The following ANKDD1B variants were observed in gnomAD, a reference collection of about 807,000 sequenced individuals.
The protein encoded by ANKDD1B is ankyrin repeat and death domain-containing protein 1B.
ANKDD1B carries 57 observed loss-of-function variants against 59.7 expected under a neutral mutation model. The observed-to-expected ratio is 0.95, with a 90% CI of 0.77 to 1.19. The LOEUF (loss-of-function observed/expected upper bound fraction) is 1.19. Ranked by LOEUF, ANKDD1B falls within the 50% of genes most tolerant of loss-of-function variation. ANKDD1B has a pLI of 0.00. For synonymous variants in ANKDD1B, 216 were observed against 239.5 expected, an observed-to-expected ratio of 0.90 and a Z score of 0.91; for missense variants, 602 against 641.9, an observed-to-expected ratio of 0.94 and a Z score of 0.67.
chr5:75,647,434 G>A (rs1244913886), intron 7 of ANKDD1B, among the ~76,000 whole-genome samples: 1 of 127,872 alleles, frequency 7.8e-6, no homozygotes, highest in Admixed American at 7.2e-5. Flanking sequence ...ATCAAAAAGT[G>A]GGCAAAGGAC....
chr5:75,656,546 AG>A (rs1350674449), intron 9 of ANKDD1B, among the ~76,000 whole-genome samples: 31 of 152,326 alleles, frequency 2.0e-4, no homozygotes, highest in African/African-American at 7.5e-4. Flanking sequence ...CTTTACCTAA[AG>A]GCAAAAGAGG....
intron 5 of ANKDD1B, among the ~76,000 whole-genome samples, chr5:75,626,685 C>T (rs1774003681): frequency 6.6e-6 from 1 of 152,172 alleles, no homozygotes; most frequent in Admixed American, 6.5e-5. Context: ...TGGCTGAATC[C>T]AGCCTTCATG....
At chr5:75,631,658 C>G (rs1300122349) in intron 5 of ANKDD1B, among the ~76,000 whole-genome samples, 1 of 152,186 alleles carries the variant, frequency 6.6e-6, no homozygotes, top group Non-Finnish European at 1.5e-5. Context: ...AAAGACAATA[C>G]CTCCTGGACA....
At chr5:75,618,839 G>A (rs1348704068) in intron 2 of ANKDD1B, among the ~76,000 whole-genome samples, 1 of 152,104 alleles carries the variant, frequency 6.6e-6, no homozygotes, top group Non-Finnish European at 1.5e-5. Context: ...TCCACCTCCT[G>A]GGTTCAAGCA....
At position 75,663,403 on chromosome 5, in the gene ANKDD1B, A is replaced by G; in HGVS notation, c.1105A>G (p.Thr369Ala). ...TCTTTTTTAATTTTAGCAAGGAAAG[A>G]CTGCCCTGGCTGTGGCCTCCAGGAG... ...DLKAVDKQGK[T>A]ALAVASRSNH... Residue 369 changes from threonine to alanine, a missense_variant, in exon 11 of 14, where the codon ACT becomes GCT. By Grantham distance (58) the Thr-to-Ala change is moderately conservative (BLOSUM62 0). Around this residue, in one of 3 missense-constraint regions of ANKDD1B, gnomAD observed 280 missense variants for 319.8 expected, o/e 0.88. Coordinates refer to ENST00000601380, the MANE Select transcript of ANKDD1B (RefSeq NM_001276713.2). The G allele has an allele frequency of 6.5e-7, 1 of 1,536,102 alleles. No individual in the cohort carries two copies. The highest frequency in any genetic ancestry group is 8.7e-7 in the Non-Finnish European group (1 of 1,146,792).
intron 1 of ANKDD1B, among the ~76,000 whole-genome samples, chr5:75,612,429 A>T (rs1282852783): frequency 7.0e-6 from 1 of 142,616 alleles, no homozygotes; most frequent in Non-Finnish European, 1.5e-5. Flanking sequence ...CCTCAGGCTC[A>T]GGTGATCCTC....
intron 7 of ANKDD1B, among the ~76,000 whole-genome samples, chr5:75,650,448 A>G (rs957242087): frequency 2.6e-4 from 40 of 152,240 alleles, no homozygotes; most frequent in African/African-American, 9.4e-4. Flanking sequence ...GAGAGCCTCC[A>G]GAAGGGAACA....
chr5:75,624,753 G>A (rs1045450438), intron 3 of ANKDD1B, among the ~76,000 whole-genome samples: 9 of 151,992 alleles, frequency 5.9e-5, no homozygotes, highest in South Asian at 2.1e-4. Context: ...TATCTATATT[G>A]ATCAATCGAC....
At chr5:75,619,092 G>A (rs960008042) in intron 2 of ANKDD1B, among the ~76,000 whole-genome samples, 2 of 152,176 alleles carry the variant, frequency 1.3e-5, no homozygotes, top group Non-Finnish European at 2.9e-5. Flanking sequence ...TTTAGCTATT[G>A]TGAAAGTTTT....
At chr5:75,653,537 G>T (rs1457522351) in intron 8 of ANKDD1B, among the ~76,000 whole-genome samples, 1 of 152,188 alleles carries the variant, frequency 6.6e-6, no homozygotes, top group Non-Finnish European at 1.5e-5. Context: ...CATTACTCTT[G>T]TATTAATTTT....
chr5:75,639,184 C>A (rs1452813051), intron 7 of ANKDD1B, among the ~76,000 whole-genome samples: 1 of 151,994 alleles, frequency 6.6e-6, no homozygotes. Context: ...GGAGAAATGC[C>A]TTTTCTGTTT....
chr5:75,634,766 G>A (rs1774253861), intron 5 of ANKDD1B, 132 bp from the exon 6 acceptor site: 6 of 600,900 alleles, frequency 1.0e-5, no homozygotes, highest in South Asian at 9.8e-5. Context: ...GTCAGAGATA[G>A]CATCATCTTC....
chr5:75,626,914 T>C (rs1359854785), intron 5 of ANKDD1B, among the ~76,000 whole-genome samples: 2 of 152,204 alleles, frequency 1.3e-5, no homozygotes, highest in Admixed American at 6.5e-5. Flanking sequence ...ACCAGAATAC[T>C]ACACCATAAA....
At chr5:75,633,015 T>G (rs1249614896) in intron 5 of ANKDD1B, among the ~76,000 whole-genome samples, 1 of 152,246 alleles carries the variant, frequency 6.6e-6, no homozygotes. Context: ...CTTTTTGATT[T>G]GTTTACATGA....
chr5:75,616,224 T>A (rs1441665077), intron 1 of ANKDD1B, among the ~76,000 whole-genome samples: 1 of 152,196 alleles, frequency 6.6e-6, no homozygotes, highest in Non-Finnish European at 1.5e-5. Flanking sequence ...AAGCCTACCA[T>A]ATGAATGTGT....
intron 12 of ANKDD1B, among the ~76,000 whole-genome samples, chr5:75,668,606 A>G (rs966768196): frequency 1.3e-5 from 2 of 152,218 alleles, no homozygotes; most frequent in Admixed American, 6.5e-5. Context: ...TCTCAGAGCA[A>G]GGAGCCTGTA....
At chr5:75,651,892 T>C (rs1447300589) in intron 7 of ANKDD1B, among the ~76,000 whole-genome samples, 1 of 152,036 alleles carries the variant, frequency 6.6e-6, no homozygotes, top group Admixed American at 6.5e-5. Context: ...TGAGGCCCTC[T>C]TCCTGGTTTA....
chr5:75,651,627 T>C (rs979997767), intron 7 of ANKDD1B, among the ~76,000 whole-genome samples: 1 of 152,186 alleles, frequency 6.6e-6, no homozygotes, highest in East Asian at 1.9e-4. Flanking sequence ...TTGGGGCTAA[T>C]ACCAAGTCAC....
Position 75,653,151 on chromosome 5 carries a change from A to T in ANKDD1B, c.808A>T (p.Ser270Cys). ...DINEMNELNI[S>C]SLQIATRNGH... The stretch of plus-strand genomic sequence containing the variant: ...CTATTGTCTCTTGCAGCTCAATATC[A>T]GTAGTTTGCAGATAGCAACCAGGAA... Residue 270 changes from serine (S) to cysteine (C), a missense_variant, in exon 8 of 14, where the codon AGT becomes TGT. Physicochemically the swap from Ser to Cys is moderately radical, Grantham distance 112. Coordinates refer to ENST00000601380, the MANE Select transcript of ANKDD1B (RefSeq NM_001276713.2). 2.0e-6 allele frequency: 3 copies of T among 1,535,360 alleles called. No homozygotes were observed. The highest frequency in any genetic ancestry group is 2.6e-6 in the Non-Finnish European group (3 of 1,146,272).
Sources: gnomAD v4.1 joint callset for allele counts (sites outside exome capture counted in the v4.1 genomes callset) on GRCh38, gnomAD v4.1.1 for gene constraint, gnomAD v4.1.1 regional missense constraint, MANE v1.5 for transcripts, NCBI Gene and HGNC (gene_info 2026-07-23, HGNC 2026-07-21) for gene names.